The following MAP4K4 variants were observed in gnomAD, a reference collection of about 807,000 sequenced individuals.
The protein encoded by MAP4K4 is mitogen-activated protein kinase kinase kinase kinase 4, also known as HPK/GCK-like kinase HGK.
A neutral mutation model predicts 189.6 loss-of-function variants in MAP4K4; 38 were observed. The ratio of observed to expected loss-of-function variants is 0.20; its 90% CI spans 0.15 to 0.26. MAP4K4 has a LOEUF of 0.26. Among genes scored for constraint, MAP4K4 ranks in the 10% least tolerant of loss-of-function variants. The pLI, the probability that MAP4K4 is intolerant of heterozygous loss-of-function variation, is 1.00. For synonymous variants in MAP4K4, 610 were observed against 624.3 expected (o/e 0.98, Z 0.34); for missense variants, 1,054 against 1,726.9 (o/e 0.61, Z 6.91).
intron 2 of MAP4K4, among the ~76,000 whole-genome samples, chr2:101,779,149 T>G (rs1453034127): frequency 1.3e-5 from 2 of 152,206 alleles, no homozygotes; most frequent in Non-Finnish European, 2.9e-5. Flanking sequence ...AGTGAGTGCT[T>G]CTTTATCGGC....
At chr2:101,712,099 C>T (rs1341845314) in intron 2 of MAP4K4, among the ~76,000 whole-genome samples, 1 of 151,764 alleles carries the variant, frequency 6.6e-6, no homozygotes, top group East Asian at 1.9e-4. Context: ...CACAGTCTAC[C>T]TTCAAATGAT....
chr2:101,864,740 G>T (rs375568350), intron 17 of MAP4K4, among the ~76,000 whole-genome samples, 190 bp from the exon 18 acceptor site: 56 of 152,306 alleles, frequency 3.7e-4, no homozygotes, highest in African/African-American at 1.2e-3. Context: ...CTTCTTGGAT[G>T]CTTGTGACTA....
Position 101,836,064 on chromosome 2 carries a change from C to G in MAP4K4, c.773+86C>G, listed in dbSNP as rs1019298657. ...TTATACTTTCCTCTGAGATAAAATT[C>G]TGGCCCTTCTAATTCTGGGGAACCC... On this transcript the variant is annotated intron_variant, in intron 9 of 32. Transcript: ENST00000324219. 11 of 1,013,300 alleles carry G rather than the reference C, an allele frequency of 1.1e-5. No homozygotes were observed. In the Admixed American group the frequency reaches 2.1e-4, roughly 19 times the overall value. The allele number at this position is 1,013,300 out of a possible 1,614,324, so 62.8% of individuals were successfully genotyped here.
chr2:101,835,653 A>G (rs796425955), intron 8 of MAP4K4, among the ~76,000 whole-genome samples: 50 of 152,360 alleles, frequency 3.3e-4, no homozygotes, highest in African/African-American at 1.1e-3. Flanking sequence ...TAGATTTATG[A>G]AAACTTTCCA....
intron 28 of MAP4K4, 88 bp downstream of exon 28, chr2:101,882,773 G>A (rs2098420047): frequency 1.5e-6 from 2 of 1,308,240 alleles, no homozygotes; most frequent in South Asian, 1.6e-5. Context: ...GTTTTTTGAA[G>A]TTTGTAATAA....
At chr2:101,871,978 G>C (rs1472310701) in intron 24 of MAP4K4, among the ~76,000 whole-genome samples, 1 of 152,136 alleles carries the variant, frequency 6.6e-6, no homozygotes, top group Admixed American at 6.5e-5. Context: ...TAAAATGATT[G>C]CTCTGTCCTC....
At chr2:101,740,254 C>T (rs986246411) in intron 2 of MAP4K4, among the ~76,000 whole-genome samples, 5 of 100,682 alleles carry the variant, frequency 5.0e-5, no homozygotes, top group Non-Finnish European at 8.4e-5. Flanking sequence ...CCCGGGTTCA[C>T]GCTATTCTCC....
chr2:101,856,240 CATGTACA>C (rs1321634421), intron 13 of MAP4K4, 102 bp downstream of exon 13: 3 of 1,055,350 alleles, frequency 2.8e-6, no homozygotes, highest in Non-Finnish European at 4.1e-6. Context: ...TGCATACACA[CATGTACA>C]CACATACACA....
At chr2:101,747,085 C>T (rs1236924066) in intron 2 of MAP4K4, among the ~76,000 whole-genome samples, 2 of 152,046 alleles carry the variant, frequency 1.3e-5, no homozygotes, top group African/African-American at 2.4e-5. Context: ...AAGGGCTTCT[C>T]CTGTGACTGC....
intron 2 of MAP4K4, among the ~76,000 whole-genome samples, chr2:101,751,938 G>A (rs2069271684): frequency 6.6e-6 from 1 of 152,186 alleles, no homozygotes; most frequent in South Asian, 2.1e-4. Context: ...ATGGGGAGGT[G>A]TCAGCTGTCA....
chr2:101,787,335 A>G (rs1483185335), intron 2 of MAP4K4, among the ~76,000 whole-genome samples: 4 of 152,236 alleles, frequency 2.6e-5, no homozygotes, highest in Non-Finnish European at 5.9e-5. Flanking sequence ...CCCAAACATC[A>G]GTGAGTAATG....
intron 2 of MAP4K4, among the ~76,000 whole-genome samples, chr2:101,774,987 C>T (rs372878908): frequency 7.2e-5 from 11 of 151,848 alleles, no homozygotes; most frequent in East Asian, 3.9e-4. Context: ...TCACTTCCCC[C>T]CATTTTGTTT....
In MAP4K4 at chr2:101,885,303, GA is replaced by G; in HGVS notation, c.3621+18del. On this transcript the variant is annotated intron_variant, in intron 29 of 32. Coordinates refer to ENST00000324219, the Ensembl canonical transcript of MAP4K4. ...GGCCTTTAAGGTAACAACATCAAGT[GA>G]ATTTAAAAGTAGTATTGGCCATTCA... is the stretch of plus-strand genomic sequence containing the variant. The G allele has an allele frequency of 6.8e-7, 1 of 1,465,394 alleles. No homozygotes were observed. Among genetic ancestry groups the G allele is most frequent in the Non-Finnish European group, 9.4e-7 (1 of 1,061,754 alleles). The allele number at this position is 1,465,394 out of a possible 1,614,324, so 90.8% of individuals were successfully genotyped here.
chr2:101,789,730 A>C (rs2148786573), intron 2 of MAP4K4, among the ~76,000 whole-genome samples: 2 of 152,316 alleles, frequency 1.3e-5, no homozygotes, highest in Non-Finnish European at 2.9e-5. Flanking sequence ...CAAAGTTGTT[A>C]AGTAGATCAT....
chr2:101,849,638 T>TTA lies in MAP4K4; in HGVS notation c.1233+5327_1233+5328insTA, dbSNP rs199924091. ...TAGTTTTGTGCTCTTTTTTTTTTTT[T>TTA]AAATTGAATCATGGTTTGGCATCGT... On this transcript the variant is annotated intron_variant, in intron 12 of 32. Transcript: ENST00000324219. Among the ~76,000 whole-genome samples the TTA allele has an allele frequency of 9.3e-4, 140 of 151,298 alleles. 1 individual carries two copies. The highest frequency in any genetic ancestry group is 3.4e-3 in the Middle Eastern group (1 of 294).
intron 2 of MAP4K4, among the ~76,000 whole-genome samples, chr2:101,743,869 G>A (rs997382593): frequency 6.6e-5 from 10 of 152,120 alleles, no homozygotes; most frequent in Non-Finnish European, 2.9e-5. Flanking sequence ...TGTTGGCCAG[G>A]CTGGTCTCAA....
chr2:101,712,197 T>A (rs1462300318), intron 2 of MAP4K4, among the ~76,000 whole-genome samples: 1 of 151,944 alleles, frequency 6.6e-6, no homozygotes, highest in Non-Finnish European at 1.5e-5. Context: ...TATTATTTAT[T>A]TATTTTTATT....
intron 8 of MAP4K4, among the ~76,000 whole-genome samples, chr2:101,835,285 T>G (rs951509589): frequency 1.3e-5 from 2 of 152,198 alleles, no homozygotes; most frequent in Non-Finnish European, 2.9e-5. Context: ...AGATGCCTTG[T>G]AAGGGTCTTC....
At chr2:101,788,333 A>G (rs1001676013) in intron 2 of MAP4K4, among the ~76,000 whole-genome samples, 3 of 152,184 alleles carry the variant, frequency 2.0e-5, no homozygotes, top group Non-Finnish European at 4.4e-5. Context: ...CTAGGGCCTT[A>G]TAGACTCTCT....
Sources: gnomAD v4.1 joint callset for allele counts (sites outside exome capture counted in the v4.1 genomes callset) on GRCh38, gnomAD v4.1.1 for gene constraint, MANE v1.5 for transcripts, NCBI Gene and HGNC (gene_info 2026-07-23, HGNC 2026-07-21) for gene names.